The following NHS variants were observed in gnomAD, a reference collection of about 807,000 sequenced individuals.
The protein encoded by NHS is actin remodeling regulator NHS.
In NHS, 5 loss-of-function variants were observed where a neutral mutation model predicts 72.5. The ratio of observed to expected loss-of-function variants is 0.07; its 90% confidence interval spans 0.04 to 0.14. The LOEUF (loss-of-function observed/expected upper bound fraction) is 0.14. Ranked by LOEUF, NHS falls within the 10% of genes least tolerant of loss-of-function variation. The probability of loss-of-function intolerance (pLI) is 1.00; values close to 1 mark genes in which losing one functional copy is unlikely to be tolerated. For synonymous variants in NHS, 464 were observed against 547.7 expected (o/e 0.85, Z 2.13); for missense variants, 1,072 against 1,355.7 (o/e 0.79, Z 3.29).
At chrX:17,542,713 G>GAGAGAA (rs1339035690) in intron 1 of NHS, among the ~76,000 whole-genome samples, 1 of 110,088 alleles carries the variant, frequency 9.1e-6, no homozygotes, top group African/African-American at 3.3e-5. Flanking sequence ...GAGAGAGAGA[G>GAGAGAA]AAATGGGTGA....
chrX:17,584,299 C>T (rs2065561928), intron 1 of NHS, among the ~76,000 whole-genome samples: 1 of 111,481 alleles, frequency 9.0e-6, no homozygotes, highest in African/African-American at 3.3e-5. Flanking sequence ...GAGGCCACCC[C>T]TTCCCTGGGG....
chrX:17,516,889 G>C (rs1195102124), intron 1 of NHS, among the ~76,000 whole-genome samples: 3 of 112,173 alleles, frequency 2.7e-5, no homozygotes, highest in African/African-American at 9.7e-5. Flanking sequence ...CTCAAACAAA[G>C]CTCCCACATT....
chrX:17,438,270 C>T (rs1475916902), intron 1 of NHS, among the ~76,000 whole-genome samples: 2 of 112,189 alleles, frequency 1.8e-5, no homozygotes, highest in African/African-American at 6.5e-5. Flanking sequence ...GTTTCAGGGG[C>T]TGATGCTGTC....
intron 1 of NHS, among the ~76,000 whole-genome samples, chrX:17,473,976 G>A (rs1231054158): frequency 9.1e-6 from 1 of 110,279 alleles, no homozygotes; most frequent in Non-Finnish European, 1.9e-5. Context: ...TTGTTATATA[G>A]GTAGACTTGT....
At chrX:17,583,369 T>C (rs1011643907) in intron 1 of NHS, among the ~76,000 whole-genome samples, 3 of 111,771 alleles carry the variant, frequency 2.7e-5, no homozygotes, top group Non-Finnish European at 5.7e-5. Flanking sequence ...CATTTGGTAT[T>C]GATGGATCCT....
At chrX:17,382,873 A>G (rs895213586) in intron 1 of NHS, among the ~76,000 whole-genome samples, 5 of 112,242 alleles carry the variant, frequency 4.5e-5, no homozygotes, top group Non-Finnish European at 9.4e-5. Context: ...GTACTGGCTT[A>G]TGGACCATGC....
At position 17,538,070 on chromosome X, in the gene NHS, G is replaced by A. The variant is rs767503387; in HGVS notation, c.566-149672G>A. Among the ~76,000 whole-genome samples the A allele has an allele frequency of 1.2e-3, 136 of 112,158 alleles. 1 individual carries two copies. Among genetic ancestry groups the A allele is most frequent in the Admixed American group, 4.4e-3 (47 of 10,641 alleles). ...GGCCAAGCATTCCCAGGGCTAGTGG[G>A]ACTTTGGCTCTTTCGCAGAGAGGAG... On this transcript the variant is annotated intron_variant, in intron 1 of 8. Transcript: ENST00000676302.
At chrX:17,604,506 A>G (rs748519938) in intron 1 of NHS, among the ~76,000 whole-genome samples, 1 of 112,156 alleles carries the variant, frequency 8.9e-6, no homozygotes, top group Admixed American at 9.5e-5. Context: ...ACTTCCTGCA[A>G]CAGCGATCCT....
chrX:17,684,646 T>C (rs1045429446), intron 1 of NHS, among the ~76,000 whole-genome samples: 1 of 112,157 alleles, frequency 8.9e-6, no homozygotes, highest in Non-Finnish European at 1.9e-5. Context: ...TTTGTCTCTT[T>C]TAAGTATTAA....
At chrX:17,489,526 C>T (rs2064981287) in intron 1 of NHS, among the ~76,000 whole-genome samples, 2 of 111,651 alleles carry the variant, frequency 1.8e-5, no homozygotes, top group African/African-American at 3.3e-5. Context: ...CTCGCTCTGT[C>T]ACCCAGGCTG....
intron 1 of NHS, among the ~76,000 whole-genome samples, chrX:17,615,492 C>T (rs2065740960): frequency 9.3e-6 from 1 of 107,356 alleles, no homozygotes; most frequent in Admixed American, 1.0e-4. Flanking sequence ...GATCAAGCCT[C>T]CTACCTCGGC....
intron 1 of NHS, among the ~76,000 whole-genome samples, chrX:17,645,050 A>G (rs1601815085): frequency 8.9e-6 from 1 of 111,972 alleles, no homozygotes; most frequent in East Asian, 2.8e-4. Context: ...TAATCTTTCA[A>G]GTGATATCAG....
At chrX:17,694,141 T>C (rs755455494) in intron 3 of NHS, among the ~76,000 whole-genome samples, 2 of 111,698 alleles carry the variant, frequency 1.8e-5, no homozygotes, top group Non-Finnish European at 3.8e-5. Flanking sequence ...GCAACGAGAG[T>C]ACATCATTTA....
At chrX:17,598,267 T>C (rs943984988) in intron 1 of NHS, among the ~76,000 whole-genome samples, 1 of 112,035 alleles carries the variant, frequency 8.9e-6, no homozygotes, top group Non-Finnish European at 1.9e-5. Flanking sequence ...GCCCGGAGCC[T>C]GTTGGGAGTC....
rs945267302 is a variant in NHS at position 17,734,252 on chromosome X, A to G, written c.*1788A>G. 8.9e-6 allele frequency: 1 copy of G among 112,369 alleles called. No homozygotes were observed. Among genetic ancestry groups the G allele is most frequent in the Non-Finnish European group, 1.9e-5 (1 of 53,253 alleles). The allele number at this position is 112,369 out of a possible 1,213,427, so 9.3% of individuals were successfully genotyped here. On this transcript the variant is annotated 3_prime_UTR_variant, in exon 9 of 9. Coordinates refer to ENST00000676302, the MANE Select transcript of NHS (RefSeq NM_001291867.2). ...GGAAGAGGGTTTGCATTTTGGATTAATTCATGCAAAATGAAGGAGGAAGCC... is the reference window on the plus strand; with the variant it reads ...GGAAGAGGGTTTGCATTTTGGATTAGTTCATGCAAAATGAAGGAGGAAGCC...
rs775588477 is a variant in NHS, at chrX:17,375,961, A to G, written c.204A>G (p.Pro68=). Residue 68 remains proline (P), a synonymous_variant, in exon 1 of 9, where the codon CCA becomes CCG. Coordinates refer to ENST00000676302, the MANE Select transcript of NHS (RefSeq NM_001291867.2). ...CCGTCCCTGCACCTTCAGGGCTGCC[A>G]CCGCCGCCGCCGCCACTGCCCGCGC... is the stretch of plus-strand genomic sequence containing the variant. ...ARAVPAPSGL[P]PPPPPLPAPA... 1.0e-4 allele frequency: 109 copies of G among 1,073,255 alleles called. No homozygotes were observed. In the African/African-American group the frequency reaches 1.9e-3, roughly 19 times the overall value. 88.4% of individuals were successfully genotyped at this position (1,073,255 alleles called of 1,213,427 possible). A position where few individuals can be genotyped will look rare whatever the true frequency, so the allele number is the denominator to read the frequency against.
chrX:17,572,204 C>A (rs981283711), intron 1 of NHS, among the ~76,000 whole-genome samples: 1 of 111,208 alleles, frequency 9.0e-6, no homozygotes, highest in African/African-American at 3.3e-5. Context: ...GAGCTGAGTT[C>A]AAGTCCTGGA....
intron 1 of NHS, among the ~76,000 whole-genome samples, chrX:17,410,913 A>T (rs770912555): frequency 9.1e-4 from 102 of 111,721 alleles, no homozygotes; most frequent in African/African-American, 3.1e-3. Context: ...AGCACACCAT[A>T]TTGTCTTTGT....
rs749799805 is a variant in NHS, at chrX:17,553,072, G to A, written c.566-134670G>A. Among the ~76,000 whole-genome samples the A allele has an allele frequency of 2.2e-3, 249 of 112,900 alleles. 2 individuals carry two copies. Among genetic ancestry groups the A allele is most frequent in the African/African-American group, 7.4e-3 (229 of 31,135 alleles). On this transcript the variant is annotated intron_variant, in intron 1 of 8. Transcript: ENST00000676302. The stretch of plus-strand genomic sequence containing the variant: ...TGTCCTGGGAGACTCCCCAGTCCTG[G>A]GCAGACCACCCTATCACTCTTATCT...
Sources: allele counts gnomAD v4.1 joint callset (sites outside exome capture counted in the v4.1 genomes callset), GRCh38; gene constraint gnomAD v4.1.1; transcripts MANE v1.5; gene names NCBI Gene and HGNC (gene_info 2026-07-23, HGNC 2026-07-21).